The following CCT6B variants were observed in gnomAD, a reference collection of about 807,000 sequenced individuals.
CCT6B encodes the protein probable T-complex protein 1 subunit zeta-2.
CCT6B carries 49 observed loss-of-function variants against 61.5 expected under a neutral mutation model. That is an observed-to-expected ratio of 0.80 (90% CI 0.63 to 1.01). The LOEUF (loss-of-function observed/expected upper bound fraction) is 1.01. Among genes scored for constraint, CCT6B ranks in the 50% least tolerant of loss-of-function variants. The pLI is 0.00. For missense variants in CCT6B, 666 were observed against 634.7 expected, an observed-to-expected ratio of 1.05 and a Z score of -0.53; for synonymous variants, 228 against 214.5, an observed-to-expected ratio of 1.06 and a Z score of -0.55.
intron 7 of CCT6B, among the ~76,000 whole-genome samples, chr17:34,940,999 T>C (rs1487690153): frequency 6.6e-6 from 1 of 152,172 alleles, no homozygotes; most frequent in Non-Finnish European, 1.5e-5. Flanking sequence ...CAATTTGGAA[T>C]GATATGTTAT....
intron 5 of CCT6B, 99 bp from the exon 6 acceptor site, chr17:34,943,005 C>A: frequency 3.0e-6 from 2 of 672,342 alleles, no homozygotes; most frequent in Non-Finnish European, 4.9e-6. Context: ...ACTTCCAGGA[C>A]ACACATTGTT....
chr17:34,940,209 C>T (rs1348021588), intron 8 of CCT6B, among the ~76,000 whole-genome samples: 1 of 152,066 alleles, frequency 6.6e-6, no homozygotes, highest in Non-Finnish European at 1.5e-5. Flanking sequence ...CTGGTAACCG[C>T]CATTCTACTA....
At chr17:34,932,562 A>G in intron 10 of CCT6B, 62 bp from the exon 11 acceptor site, 1 of 1,457,096 alleles carries the variant, frequency 6.9e-7, no homozygotes, top group Non-Finnish European at 9.3e-7. Context: ...AGAGAGAGAG[A>G]CAGAAAAGCA....
intron 10 of CCT6B, among the ~76,000 whole-genome samples, chr17:34,937,991 G>C (rs1279476333): frequency 6.6e-6 from 1 of 151,704 alleles, no homozygotes; most frequent in Non-Finnish European, 1.5e-5. Flanking sequence ...TGGGACTCAA[G>C]TGATATTCCT....
intron 5 of CCT6B, chr17:34,944,138 G>C (rs892575205): frequency 3.3e-5 from 5 of 152,056 alleles, no homozygotes; most frequent in African/African-American, 1.2e-4. Context: ...ATAACACTAT[G>C]TTCAACATTC....
At chr17:34,936,231 G>A (rs970909945) in intron 10 of CCT6B, among the ~76,000 whole-genome samples, 1 of 152,146 alleles carries the variant, frequency 6.6e-6, no homozygotes, top group Non-Finnish European at 1.5e-5. Flanking sequence ...TTACAGGTGT[G>A]AGCCACCACG....
At chr17:34,954,946 A>G (rs2090332213) in intron 3 of CCT6B, among the ~76,000 whole-genome samples, 1 of 152,216 alleles carries the variant, frequency 6.6e-6, no homozygotes, top group African/African-American at 2.4e-5. Context: ...TGGCAGATAG[A>G]ACACTGTGGT....
At chr17:34,941,121 A>G (rs73283030) in intron 7 of CCT6B, among the ~76,000 whole-genome samples, 4,259 of 152,256 alleles carry the variant, frequency 0.028, 183 homozygotes, top group African/African-American at 0.097. Flanking sequence ...TTGATACTAT[A>G]CCAAAACTCA....
intron 10 of CCT6B, among the ~76,000 whole-genome samples, chr17:34,937,709 T>A (rs890161425): frequency 9.2e-5 from 14 of 152,168 alleles, no homozygotes; most frequent in African/African-American, 3.4e-4. Context: ...AATAATAAAT[T>A]AGACTTCATC....
At position 34,961,335 on chromosome 17, in the gene CCT6B, A is replaced by G; in HGVS notation, c.59T>C (p.Leu20Ser). The G allele has an allele frequency of 6.2e-7, 1 of 1,613,036 alleles. No individual in the cohort carries two copies. The highest frequency in any genetic ancestry group is 8.5e-7 in the Non-Finnish European group (1 of 1,179,964). ...KAEVARARAALAVNICAARGL... is the reference protein window; with the variant it reads ...KAEVARARAASAVNICAARGL... Reference sequence around the variant, plus strand: ...TCGGGCGGCGCATATATTGACAGCCAAAGCTGCCCGGGCCCGCGCCACCTC... The same window carrying G: ...TCGGGCGGCGCATATATTGACAGCCGAAGCTGCCCGGGCCCGCGCCACCTC... Residue 20 changes from leucine (L) to serine (S), a missense_variant, in exon 1 of 14, where the codon TTG (leucine) becomes TCG (serine). Physicochemically the swap from Leu to Ser is moderately radical, Grantham distance 145. Transcript: ENST00000314144.
intron 10 of CCT6B, among the ~76,000 whole-genome samples, chr17:34,937,587 C>T (rs2090109276): frequency 6.6e-6 from 1 of 152,048 alleles, no homozygotes; most frequent in Non-Finnish European, 1.5e-5. Flanking sequence ...AATCACAGAC[C>T]TAAATGTAAA....
intron 1 of CCT6B, among the ~76,000 whole-genome samples, chr17:34,960,074 A>G (rs1825563749): frequency 6.6e-6 from 1 of 152,160 alleles, no homozygotes; most frequent in Admixed American, 6.5e-5. Flanking sequence ...TATCTCTTGA[A>G]TCTGCCACCT....
intron 5 of CCT6B, among the ~76,000 whole-genome samples, chr17:34,944,843 G>A (rs1456764865): frequency 4.6e-5 from 7 of 152,202 alleles, no homozygotes; most frequent in African/African-American, 7.2e-5. Flanking sequence ...GGAGAATGGC[G>A]TAAGCCCAGA....
chr17:34,928,286 T>TTC, intron 13 of CCT6B, among the ~76,000 whole-genome samples, 169 bp from the exon 14 acceptor site: 1 of 152,074 alleles, frequency 6.6e-6, no homozygotes, highest in South Asian at 2.1e-4. Flanking sequence ...TTTTTTTTTT[T>TTC]CCCAAGATGG....
At chr17:34,935,932 T>C (rs887653829) in intron 10 of CCT6B, among the ~76,000 whole-genome samples, 10 of 151,820 alleles carry the variant, frequency 6.6e-5, no homozygotes, top group African/African-American at 2.4e-4. Context: ...CTCGTGTGTG[T>C]GTGTGTGTGT....
At chr17:34,937,230 A>C (rs1269430463) in intron 10 of CCT6B, among the ~76,000 whole-genome samples, 2 of 152,160 alleles carry the variant, frequency 1.3e-5, no homozygotes, top group African/African-American at 4.8e-5. Flanking sequence ...TCTAAAATTC[A>C]TATGGAAGTC....
intron 1 of CCT6B, among the ~76,000 whole-genome samples, chr17:34,960,342 A>AATAT (rs2090397847): frequency 6.6e-6 from 1 of 152,158 alleles, no homozygotes; most frequent in Non-Finnish European, 1.5e-5. Context: ...TGGTTCCCTT[A>AATAT]ATATACCATG....
intron 10 of CCT6B, 23 bp from the exon 11 acceptor site, chr17:34,932,523 T>C (rs1265621731): frequency 1.3e-6 from 2 of 1,578,274 alleles, no homozygotes; most frequent in African/African-American, 2.7e-5. Flanking sequence ...AAAAATATGA[T>C]TGGCAAGACA....
intron 5 of CCT6B, among the ~76,000 whole-genome samples, chr17:34,947,961 G>A (rs1288783867): frequency 6.7e-6 from 1 of 149,084 alleles, no homozygotes; most frequent in Non-Finnish European, 1.5e-5. Flanking sequence ...TGGTGACAGA[G>A]TGACACTCCG....
Sources: allele counts gnomAD v4.1 joint callset (sites outside exome capture counted in the v4.1 genomes callset), GRCh38; gene constraint gnomAD v4.1.1; transcripts MANE v1.5; gene names NCBI Gene and HGNC (gene_info 2026-07-23, HGNC 2026-07-21).